The following TENM3 variants were observed in gnomAD, a reference collection of about 807,000 sequenced individuals.
The protein encoded by TENM3 is teneurin-3.
TENM3 carries 63 observed loss-of-function variants against 255.1 expected under a neutral mutation model. That is an observed-to-expected ratio of 0.25 (90% CI 0.20 to 0.30). The LOEUF is 0.30. Among genes scored for constraint, TENM3 ranks in the 10% least tolerant of loss-of-function variants. TENM3 has a pLI of 1.00. For synonymous variants in TENM3, 1,306 were observed against 1,322.3 expected (o/e 0.99, Z 0.27); for missense variants, 2,929 against 3,461.1 (o/e 0.85, Z 3.86).
the TENM3 span, among the ~76,000 whole-genome samples, chr4:182,073,668 T>C: frequency 3.3e-5 from 5 of 152,246 alleles, no homozygotes; most frequent in Non-Finnish European, 7.4e-5. Context: ...GCTCAAAAAA[T>C]AGGGACCTTA....
Position 182,784,429 on chromosome 4 carries a change from G to A in TENM3, c.5305-4664G>A, listed in dbSNP as rs544602139. Among the ~76,000 whole-genome samples the A allele has an allele frequency of 2.4e-4, 36 of 151,620 alleles. No homozygotes were observed. The Middle Eastern group carries it at 0.014, about 57-fold the overall frequency. ...TGCCAGTTTTCAGATCTCCAGCTGC[G>A]TGCTGGGAGAACCACTGCTCTCTTC... On this transcript the variant is annotated intron_variant, in intron 24 of 27. Transcript: ENST00000511685.
chr4:182,599,377 T>A (rs1747602449), intron 3 of TENM3, among the ~76,000 whole-genome samples: 1 of 152,200 alleles, frequency 6.6e-6, no homozygotes, highest in African/African-American at 2.4e-5. Flanking sequence ...GTTTCTGGTA[T>A]GGGAAATTTC....
At chr4:182,500,651 C>T (rs1736222741) in intron 3 of TENM3, among the ~76,000 whole-genome samples, 1 of 151,800 alleles carries the variant, frequency 6.6e-6, no homozygotes, top group Non-Finnish European at 1.5e-5. Context: ...AAAACGTGTA[C>T]ACAAACATAT....
intron 1 of TENM3, among the ~76,000 whole-genome samples, chr4:182,317,878 G>A (rs1288291488): frequency 3.9e-5 from 6 of 152,010 alleles, no homozygotes; most frequent in Non-Finnish European, 8.8e-5. Flanking sequence ...AAATTCTTAT[G>A]GTATGCAAAG....
At chr4:181,938,910 C>A in the TENM3 span, among the ~76,000 whole-genome samples, 1 of 152,220 alleles carries the variant, frequency 6.6e-6, no homozygotes, top group Non-Finnish European at 1.5e-5. Context: ...CAAAGTCCTA[C>A]TGCAATATAA....
intron 4 of TENM3, among the ~76,000 whole-genome samples, chr4:182,617,102 A>C (rs999735338): frequency 6.6e-6 from 1 of 152,202 alleles, no homozygotes; most frequent in Non-Finnish European, 1.5e-5. Context: ...AACAGATTTT[A>C]AGCATTCACA....
At chr4:181,959,627 C>G in the TENM3 span, among the ~76,000 whole-genome samples, 1 of 152,168 alleles carries the variant, frequency 6.6e-6, no homozygotes, top group Non-Finnish European at 1.5e-5. Context: ...ACCTTTTAAT[C>G]TTTTTCTGTC....
chr4:182,605,725 A>C (rs2152421328), intron 4 of TENM3, among the ~76,000 whole-genome samples: 1 of 152,300 alleles, frequency 6.6e-6, no homozygotes. Context: ...CCTGGCTAAA[A>C]AAACCTTTGT....
the TENM3 span, among the ~76,000 whole-genome samples, chr4:181,951,332 C>T: frequency 0.16 from 24,568 of 151,934 alleles, 2,451 homozygotes; most frequent in African/African-American, 0.28. Context: ...AAATCAGAGT[C>T]GCAAAGAGAA....
chr4:181,989,297 T>C, the TENM3 span, among the ~76,000 whole-genome samples: 5 of 151,870 alleles, frequency 3.3e-5, no homozygotes, highest in Non-Finnish European at 5.9e-5. Context: ...CAAAGAGGGA[T>C]GGAAGCAGGG....
the TENM3 span, among the ~76,000 whole-genome samples, chr4:181,997,874 A>G: frequency 6.6e-6 from 1 of 152,248 alleles, no homozygotes; most frequent in Non-Finnish European, 1.5e-5. Context: ...TTATTGCGGC[A>G]AGAACAGGAT....
chr4:182,489,774 C>T (rs947140547), intron 3 of TENM3, among the ~76,000 whole-genome samples: 4 of 151,676 alleles, frequency 2.6e-5, no homozygotes, highest in African/African-American at 9.7e-5. Context: ...CCCTTCCCTC[C>T]TTATTCCTTC....
chr4:182,047,430 T>G, the TENM3 span, among the ~76,000 whole-genome samples: 1 of 151,600 alleles, frequency 6.6e-6, no homozygotes, highest in Non-Finnish European at 1.5e-5. Context: ...GGCGTGGTGG[T>G]GCACACCTGT....
At chr4:181,474,198 G>A in the TENM3 span, among the ~76,000 whole-genome samples, 3 of 152,018 alleles carry the variant, frequency 2.0e-5, no homozygotes, top group South Asian at 2.1e-4. Context: ...ATAGCATTAC[G>A]ACAAATACCT....
At chr4:182,229,284 T>C in intron 1 of TENM3, among the ~76,000 whole-genome samples, 1 of 152,204 alleles carries the variant, frequency 6.6e-6, no homozygotes, top group East Asian at 1.9e-4. Context: ...CTTCACATTT[T>C]AGAGGTTGTT....
At position 182,751,904 on chromosome 4, in the gene TENM3, C is replaced by T. The variant is rs570425994; in HGVS notation, c.3734C>T (p.Thr1245Met). The T allele has an allele frequency of 4.3e-6, 7 of 1,613,580 alleles. No individual in the cohort carries two copies. Among genetic ancestry groups the T allele is most frequent in the South Asian group, 1.1e-5 (1 of 91,078 alleles). Residue 1245 changes from threonine (T) to methionine (M), a missense_variant, in exon 20 of 28, where the codon ACG becomes ATG. By Grantham distance (81) the Thr-to-Met change is moderately conservative. Around this residue, in one of 6 missense-constraint regions of TENM3, gnomAD observed 1,608 missense variants for 1,884.4 expected, o/e 0.85. Coordinates refer to ENST00000511685, the MANE Select transcript of TENM3 (RefSeq NM_001080477.4). Reference protein sequence around the residue: ...TRRIYRPKSLTGAKDLTKNAE... With the variant: ...TRRIYRPKSLMGAKDLTKNAE... ...AGAATTTATCGCCCAAAGTCACTTA[C>T]GGGGGCAAAAGACTTGACTAAAAAT...
chr4:182,488,265 A>G (rs1036923181), intron 3 of TENM3, among the ~76,000 whole-genome samples: 3 of 152,170 alleles, frequency 2.0e-5, no homozygotes, highest in Non-Finnish European at 4.4e-5. Flanking sequence ...CAATTAGCAT[A>G]GTGGCTGTCC....
At chr4:182,022,040 G>T in the TENM3 span, among the ~76,000 whole-genome samples, 1 of 152,032 alleles carries the variant, frequency 6.6e-6, no homozygotes. Context: ...CCATTACTGG[G>T]TATATACTCA....
chr4:181,532,508 A>T, the TENM3 span, among the ~76,000 whole-genome samples: 1 of 152,176 alleles, frequency 6.6e-6, no homozygotes. Flanking sequence ...GAGCCATACA[A>T]ATGGAAAATG....
Sources: gnomAD v4.1 joint callset for allele counts (sites outside exome capture counted in the v4.1 genomes callset) on GRCh38, gnomAD v4.1.1 for gene constraint, gnomAD v4.1.1 regional missense constraint, MANE v1.5 for transcripts, NCBI Gene and HGNC (gene_info 2026-07-23, HGNC 2026-07-21) for gene names.